The following CCNDBP1 variants were observed in gnomAD, a reference collection of about 807,000 sequenced individuals.
CCNDBP1 encodes the protein cyclin-D1-binding protein 1.
A neutral mutation model predicts 46.2 loss-of-function variants in CCNDBP1; 45 were observed. The ratio of observed to expected loss-of-function variants is 0.97; its 90% confidence interval spans 0.77 to 1.25. The LOEUF is 1.25. CCNDBP1 is among the 50% of genes most tolerant of loss of function. The pLI is 0.00. For synonymous variants in CCNDBP1, 154 were observed against 163.6 expected, an observed-to-expected ratio of 0.94 and a Z score of 0.45; for missense variants, 436 against 442.1, an observed-to-expected ratio of 0.99 and a Z score of 0.12.
At position 43,191,039 on chromosome 15, in the gene CCNDBP1, G is replaced by T; in HGVS notation, c.576G>T (p.Glu192Asp). The T allele has an allele frequency of 6.2e-7, 1 of 1,612,244 alleles. No individual in the cohort carries two copies. Among genetic ancestry groups the T allele is most frequent in the Non-Finnish European group, 8.5e-7 (1 of 1,178,294 alleles). The change falls in exon 7 of 11, where the codon GAG becomes GAT. Residue 192 changes from glutamate to aspartate, a missense_variant. Physicochemically the swap from Glu to Asp is conservative, Grantham distance 45. Transcript: ENST00000300213. ...TGAAGGATGCACATGAAGAAATGGA[G>T]CAGGTGAGGGGACCTCCATCATTGG... is the stretch of plus-strand genomic sequence containing the variant. ...DFVKDAHEEM[E>D]QAVEECDPYS...
chr15:43,189,898 C>A, intron 4 of CCNDBP1, 157 bp from the exon 5 acceptor site: 1 of 596,082 alleles, frequency 1.7e-6, no homozygotes, highest in Admixed American at 3.2e-5. Flanking sequence ...AAGAAAATGC[C>A]ATGGGGATAT....
Position 43,189,994 on chromosome 15 carries a change from G to T in CCNDBP1, c.332-61G>T, listed in dbSNP as rs941381762. ...ATAGTTCTGTAATGCTTAGACTCAG[G>T]AAAGCAGATGGTGCTTCTGAAAAGA... On this transcript the variant is annotated intron_variant, in intron 4 of 10. Coordinates refer to ENST00000300213, the MANE Select transcript of CCNDBP1 (RefSeq NM_012142.5). 7 of 1,407,486 alleles carry T rather than the reference G, an allele frequency of 5.0e-6. No individual in the cohort carries two copies. In the African/African-American group the frequency reaches 9.9e-5, roughly 20 times the overall value. 87.2% of individuals were successfully genotyped at this position (1,407,486 alleles called of 1,614,324 possible). A position where few individuals can be genotyped will look rare whatever the true frequency, so the allele number is the denominator to read the frequency against.
chr15:43,189,373 G>GT, intron 4 of CCNDBP1, 93 bp downstream of exon 4: 1 of 673,032 alleles, frequency 1.5e-6, no homozygotes, highest in South Asian at 2.1e-5. Context: ...ACTTGAACAT[G>GT]TAACTTTCTC....
chr15:43,186,610 G>A (rs2041846194), intron 3 of CCNDBP1, among the ~76,000 whole-genome samples: 1 of 152,048 alleles, frequency 6.6e-6, no homozygotes, highest in African/African-American at 2.4e-5. Flanking sequence ...TTTAAATCAA[G>A]GTCTATCTGA....
Position 43,194,464 on chromosome 15 carries a change from A to G in CCNDBP1, c.968+3A>G. On this transcript the variant is annotated splice_donor_region_variant and intron_variant, in intron 10 of 10. Transcript: ENST00000300213. ...AAGAAGGCACTTGAAATTACAAAGT[A>G]AGTATGAAGACTTCTCAGATAGCTT... The G allele has an allele frequency of 6.2e-7, 1 of 1,603,456 alleles. No homozygotes were observed. The highest frequency in any genetic ancestry group is 8.5e-7 in the Non-Finnish European group (1 of 1,176,162).
intron 4 of CCNDBP1, chr15:43,189,651 A>G (rs1005816743): frequency 1.6e-5 from 5 of 311,540 alleles, no homozygotes; most frequent in African/African-American, 8.6e-5. Flanking sequence ...GAACATCTGC[A>G]TAGGTTAAAT....
chr15:43,189,077 CAAAAAAAAAAA>C, intron 3 of CCNDBP1, 111 bp from the exon 4 acceptor site: 4 of 151,062 alleles, frequency 2.6e-5, no homozygotes, highest in African/African-American at 1.6e-4. Flanking sequence ...GACTCTGTCT[CAAAAAAAAAAA>C]AAAAAAAAAA....
At chr15:43,190,226 A>G in intron 5 of CCNDBP1, 75 bp downstream of exon 5, 1 of 1,588,764 alleles carries the variant, frequency 6.3e-7, no homozygotes, top group South Asian at 1.1e-5. Flanking sequence ...TTTTAACAGC[A>G]AAGTTACTGA....
chr15:43,187,647 T>C (rs1276773107), intron 3 of CCNDBP1, among the ~76,000 whole-genome samples: 1 of 152,156 alleles, frequency 6.6e-6, no homozygotes, highest in Non-Finnish European at 1.5e-5. Context: ...AAAATACTTA[T>C]TTCAAAAAGA....
In CCNDBP1 at chr15:43,191,571, A is replaced by T; in HGVS notation, c.756A>T (p.Lys252Asn). 2 of 1,614,102 alleles carry T rather than the reference A, an allele frequency of 1.2e-6. No individual in the cohort carries two copies. The highest frequency in any genetic ancestry group is 4.5e-5 in the East Asian group (2 of 44,886). The change falls in exon 8 of 11, where the codon AAA becomes AAT. Residue 252 changes from lysine to asparagine, a missense_variant. By Grantham distance (94) the Lys-to-Asn change is moderately conservative. Transcript: ENST00000300213. ...IPCLALVRAS[K>N]ACLKKIRMLV... The stretch of plus-strand genomic sequence containing the variant: ...GCCTTGCGCTGGTGAGAGCATCCAA[A>T]GCCTGCCTGAAGAAAATTCGGATGT...
rs1461031129 is a variant in CCNDBP1, at chr15:43,186,056, G to C, written c.170-98G>C. ...AATAGAATTCTAACCTCGACATTCG[G>C]GAAGTGTTTTTGAGAAGTCTCGGTC... On this transcript the variant is annotated intron_variant, in intron 2 of 10. Transcript: ENST00000300213. 2.3e-6 allele frequency: 3 copies of C among 1,283,132 alleles called. No homozygotes were observed. In the East Asian group the frequency reaches 7.0e-5, roughly 30 times the overall value. 79.5% of individuals were successfully genotyped at this position (1,283,132 alleles called of 1,614,324 possible).
At position 43,191,578 on chromosome 15, in the gene CCNDBP1, C is replaced by A; in HGVS notation, c.763C>A (p.Leu255Met). ...LALVRASKAC[L>M]KKIRMLVAEN... ...GCTGGTGAGAGCATCCAAAGCCTGC[C>A]TGAAGAAAATTCGGATGTTAGTGGC... is the stretch of plus-strand genomic sequence containing the variant. Residue 255 changes from leucine (L) to methionine (M), a missense_variant, in exon 8 of 11, where the codon CTG becomes ATG. Physicochemically the swap from Leu to Met is conservative, Grantham distance 15. Coordinates refer to ENST00000300213, the MANE Select transcript of CCNDBP1 (RefSeq NM_012142.5). 1.2e-6 allele frequency: 2 copies of A among 1,614,028 alleles called. No individual in the cohort carries two copies. The highest frequency in any genetic ancestry group is 1.7e-6 in the Non-Finnish European group (2 of 1,179,994).
chr15:43,196,545 C>T lies in CCNDBP1; in HGVS notation c.*1704C>T, dbSNP rs1390358432. 1 of 152,210 alleles carries T rather than the reference C, an allele frequency of 6.6e-6. No homozygotes were observed. Among genetic ancestry groups the T allele is most frequent in the African/African-American group, 2.4e-5 (1 of 41,370 alleles). 9.4% of individuals were successfully genotyped at this position (152,210 alleles called of 1,614,324 possible). A position where few individuals can be genotyped will look rare whatever the true frequency, so the allele number is the denominator to read the frequency against. On this transcript the variant is annotated 3_prime_UTR_variant, in exon 11 of 11. Transcript: ENST00000300213. ...TCAGGTGATCTGCCCACGTCAGCCT[C>T]CCAAAGTGCTGGGATTACAGATGTG...
In CCNDBP1 at chr15:43,190,069, A is replaced by G; in HGVS notation, c.346A>G (p.Lys116Glu). ...TTTGGCCACAGGGATCACCCTGAGA[A>G]AGCTGGTACGGGGCGCCACCCTGGA... ...LPKDQGITLR[K>E]LVRGATLDIV... is the part of the protein sequence containing the mutation. Residue 116 changes from lysine to glutamate, a missense_variant, in exon 5 of 11, where the codon AAG (lysine) becomes GAG (glutamate). Transcript: ENST00000300213. 1 of 1,614,150 alleles carries G rather than the reference A, an allele frequency of 6.2e-7. No individual in the cohort carries two copies.
At chr15:43,190,521 T>C in intron 6 of CCNDBP1, 123 bp downstream of exon 6, 2 of 680,016 alleles carry the variant, frequency 2.9e-6, no homozygotes, top group South Asian at 2.1e-5. Flanking sequence ...ATATATATTT[T>C]ATTAATGAAA....
chr15:43,190,054 G>A lies in CCNDBP1; in HGVS notation c.332-1G>A. ...TGCTTATTCTTTGGGTTTGGCCACAGGGATCACCCTGAGAAAGCTGGTACG... is the reference window on the plus strand; with the variant it reads ...TGCTTATTCTTTGGGTTTGGCCACAAGGATCACCCTGAGAAAGCTGGTACG... On this transcript the variant is annotated splice_acceptor_variant, in intron 4 of 10. Coordinates refer to ENST00000300213, the MANE Select transcript of CCNDBP1 (RefSeq NM_012142.5). LOFTEE classifies it high-confidence loss of function. 1 of 1,614,024 alleles carries A rather than the reference G, an allele frequency of 6.2e-7. No individual in the cohort carries two copies. Among genetic ancestry groups the A allele is most frequent in the Non-Finnish European group, 8.5e-7 (1 of 1,179,940 alleles).
At position 43,189,212 on chromosome 15, in the gene CCNDBP1, T is replaced by G. The variant is rs969280584; in HGVS notation, c.263T>G (p.Phe88Cys). The change falls in exon 4 of 11, where the codon TTC becomes TGC. Residue 88 changes from phenylalanine (F) to cysteine (C), a missense_variant. Coordinates refer to ENST00000300213, the MANE Select transcript of CCNDBP1 (RefSeq NM_012142.5). ...PLPSPQETQK[F>C]CEQVHAAIKA... Reference sequence around the variant, plus strand: ...CCTTTTTCATAGGAAACCCAGAAGTTCTGTGAACAAGTCCATGCTGCCATC... The same window carrying G: ...CCTTTTTCATAGGAAACCCAGAAGTGCTGTGAACAAGTCCATGCTGCCATC... The G allele has an allele frequency of 6.2e-7, 1 of 1,611,466 alleles. No individual in the cohort carries two copies. Among genetic ancestry groups the G allele is most frequent in the Admixed American group, 1.7e-5 (1 of 59,666 alleles).
At position 43,191,736 on chromosome 15, in the gene CCNDBP1, T is replaced by C. The variant is rs575476811; in HGVS notation, c.860+61T>C. 1.1e-5 allele frequency: 17 copies of C among 1,545,848 alleles called. No individual in the cohort carries two copies. In the African/African-American group the frequency reaches 1.9e-4, roughly 17 times the overall value. On this transcript the variant is annotated intron_variant, in intron 8 of 10. Coordinates refer to ENST00000300213, the MANE Select transcript of CCNDBP1 (RefSeq NM_012142.5). ...AGCGTTCTGATTTCAATTTGTGTTG[T>C]CACCTCAAGGTTTTCACAGTTTTTT...
rs2041782936 is a variant in CCNDBP1, at chr15:43,185,413, T to C, written c.-86T>C. 2 of 1,075,202 alleles carry C rather than the reference T, an allele frequency of 1.9e-6. No homozygotes were observed. Among genetic ancestry groups the C allele is most frequent in the Non-Finnish European group, 2.8e-6 (2 of 726,794 alleles). 66.6% of individuals were successfully genotyped at this position (1,075,202 alleles called of 1,614,324 possible). On this transcript the variant is annotated 5_prime_UTR_variant, in exon 1 of 11. Coordinates refer to ENST00000300213, the MANE Select transcript of CCNDBP1 (RefSeq NM_012142.5). ...TGACGGAAACGAGCCCTTGACGCTG[T>C]GGCCCGGAAGTGGAGCGGCTGTCGC...
Sources: gnomAD v4.1 joint callset for allele counts (sites outside exome capture counted in the v4.1 genomes callset) on GRCh38, gnomAD v4.1.1 for gene constraint, MANE v1.5 for transcripts, NCBI Gene and HGNC (gene_info 2026-07-23, HGNC 2026-07-21) for gene names.